PHIP: variants seen among roughly 807,000 people sequenced by gnomAD.
The protein encoded by PHIP is PHIP subunit of CUL4-Ring ligase complex.
A neutral mutation model predicts 236.8 loss-of-function variants in PHIP; 54 were observed. The ratio of observed to expected loss-of-function variants is 0.23; its 90% CI spans 0.18 to 0.29. The LOEUF (loss-of-function observed/expected upper bound fraction) is 0.29, where lower values mean the gene tolerates loss of function less well. PHIP is among the 10% of genes least tolerant of loss of function. PHIP has a pLI of 1.00. For missense variants in PHIP, 1,370 were observed against 2,190.8 expected, an observed-to-expected ratio of 0.63 and a Z score of 7.48; for synonymous variants, 756 against 718.9, an observed-to-expected ratio of 1.05 and a Z score of -0.83.
chr6:78,972,176 G>A (rs1227429889), intron 24 of PHIP, among the ~76,000 whole-genome samples: 1 of 152,216 alleles, frequency 6.6e-6, no homozygotes, highest in East Asian at 1.9e-4. Flanking sequence ...CGCAGCTGGA[G>A]ATATGAGAAC....
intron 33 of PHIP, 97 bp downstream of exon 33, chr6:78,955,516 A>T: frequency 1.7e-6 from 1 of 572,402 alleles, no homozygotes; most frequent in East Asian, 3.1e-5. Context: ...CTAGACAAAA[A>T]ATAATGTTCA....
chr6:79,012,653 C>T (rs1384649050), intron 15 of PHIP, among the ~76,000 whole-genome samples: 1 of 151,662 alleles, frequency 6.6e-6, no homozygotes, highest in Non-Finnish European at 1.5e-5. Context: ...TATTGATTAG[C>T]TACAGAGAGC....
chr6:78,961,846 G>A (rs916080311), intron 30 of PHIP, 36 bp from the exon 31 acceptor site: 3 of 1,510,636 alleles, frequency 2.0e-6, no homozygotes, highest in Middle Eastern at 1.7e-4. Flanking sequence ...ATTTATTTTT[G>A]TATGCCTAAA....
At chr6:79,033,475 T>C (rs1771770906) in intron 7 of PHIP, among the ~76,000 whole-genome samples, 1 of 152,228 alleles carries the variant, frequency 6.6e-6, no homozygotes. Context: ...TTAGCACTTG[T>C]TGCTTCACGT....
At chr6:79,047,719 ACAGT>A (rs1455776871) in intron 6 of PHIP, among the ~76,000 whole-genome samples, 4 of 152,104 alleles carry the variant, frequency 2.6e-5, no homozygotes, top group Non-Finnish European at 5.9e-5. Flanking sequence ...CAAATTTTAC[ACAGT>A]CAATTATATT....
At chr6:79,073,216 C>T (rs2127781353) in intron 4 of PHIP, among the ~76,000 whole-genome samples, 1 of 152,258 alleles carries the variant, frequency 6.6e-6, no homozygotes, top group African/African-American at 2.4e-5. Flanking sequence ...ATGGTATAAG[C>T]ATCAATAGAA....
intron 17 of PHIP, 82 bp downstream of exon 17, chr6:79,001,817 A>G: frequency 1.2e-6 from 1 of 859,384 alleles, no homozygotes; most frequent in Non-Finnish European, 1.9e-6. Flanking sequence ...TAACAACTGC[A>G]AACAAAGTTT....
At chr6:78,997,300 C>A in intron 19 of PHIP, 114 bp downstream of exon 19, 2 of 810,424 alleles carry the variant, frequency 2.5e-6, no homozygotes, top group African/African-American at 3.4e-5. Flanking sequence ...TTATACTGCC[C>A]TTCCAGAAAA....
At chr6:79,060,456 C>T in intron 6 of PHIP, 22 bp downstream of exon 6, 1 of 1,544,488 alleles carries the variant, frequency 6.5e-7, no homozygotes, top group Non-Finnish European at 8.9e-7. Context: ...CTATTAACTA[C>T]TAGTGAACTC....
At chr6:79,052,726 CT>C (rs1562211255) in intron 6 of PHIP, among the ~76,000 whole-genome samples, 2 of 152,110 alleles carry the variant, frequency 1.3e-5, no homozygotes, top group Non-Finnish European at 2.9e-5. Context: ...AATTAAATAC[CT>C]GATCTCATAA....
intron 21 of PHIP, among the ~76,000 whole-genome samples, chr6:78,986,893 TATG>T (rs1768900044): frequency 6.6e-6 from 1 of 152,172 alleles, no homozygotes; most frequent in Non-Finnish European, 1.5e-5. Context: ...AAGCAAGTGA[TATG>T]ATTTTTCCCA....
chr6:79,015,903 C>A, intron 13 of PHIP, 120 bp from the exon 14 acceptor site: 1 of 639,260 alleles, frequency 1.6e-6, no homozygotes, highest in South Asian at 2.3e-5. Flanking sequence ...TTAACAGTAA[C>A]TGAGAAGTTT....
At chr6:78,995,327 A>T (rs1769538721) in intron 19 of PHIP, among the ~76,000 whole-genome samples, 2 of 152,188 alleles carry the variant, frequency 1.3e-5, no homozygotes, top group South Asian at 4.1e-4. Context: ...CTATACATTT[A>T]TGTTCAGGTT....
rs1182831943 is a variant in PHIP, at chr6:78,939,232, A to G, written c.*1461T>C. The G allele has an allele frequency of 6.6e-6, 1 of 151,794 alleles. No individual in the cohort carries two copies. Among genetic ancestry groups the G allele is most frequent in the Non-Finnish European group, 1.5e-5 (1 of 67,708 alleles). 9.4% of individuals were successfully genotyped at this position (151,794 alleles called of 1,614,324 possible). A position where few individuals can be genotyped will look rare whatever the true frequency, so the allele number is the denominator to read the frequency against. Reference sequence around the variant, plus strand: ...ATAGCAATACATTCTCCTAAGTCATATAGTTATCATTTACAATAGACAACT... The same window carrying G: ...ATAGCAATACATTCTCCTAAGTCATGTAGTTATCATTTACAATAGACAACT... On this transcript the variant is annotated 3_prime_UTR_variant, in exon 40 of 40. Transcript: ENST00000275034.
Position 79,015,235 on chromosome 6 carries a change from G to A in PHIP, c.1390-19C>T, listed in dbSNP as rs761061872. The A allele has an allele frequency of 1.3e-6, 2 of 1,582,070 alleles. No individual in the cohort carries two copies. The highest frequency in any genetic ancestry group is 2.2e-5 in the South Asian group (2 of 89,742). On this transcript the variant is annotated intron_variant, in intron 14 of 39. Coordinates refer to ENST00000275034, the MANE Select transcript of PHIP (RefSeq NM_017934.7). ...CATGACCCTGAAATATTTTTGAAGTGTCAAAGAATCATAGATATTAAAAAA... is the reference window on the plus strand; with the variant it reads ...CATGACCCTGAAATATTTTTGAAGTATCAAAGAATCATAGATATTAAAAAA...
intron 19 of PHIP, among the ~76,000 whole-genome samples, chr6:78,993,903 A>C (rs1006171355): frequency 6.6e-6 from 1 of 152,204 alleles, no homozygotes; most frequent in Non-Finnish European, 1.5e-5. Context: ...TTATTCTGCT[A>C]ACAGATCTGG....
Position 79,039,070 on chromosome 6 carries a change from A to G in PHIP, c.600+3773T>C, listed in dbSNP as rs372818367. Among the ~76,000 whole-genome samples, 6 of 152,232 alleles carry G rather than the reference A, an allele frequency of 3.9e-5. No homozygotes were observed. The South Asian group carries it at 8.3e-4, about 21-fold the overall frequency. On this transcript the variant is annotated intron_variant, in intron 7 of 39. Transcript: ENST00000275034. ...GATCACTGCCAGAAACTTTTTGCCAATTTCTCTGTATATAGAGTTAGTTTG... is the reference window on the plus strand; with the variant it reads ...GATCACTGCCAGAAACTTTTTGCCAGTTTCTCTGTATATAGAGTTAGTTTG...
chr6:79,072,085 C>A (rs1193319025), intron 4 of PHIP, among the ~76,000 whole-genome samples: 1 of 152,088 alleles, frequency 6.6e-6, no homozygotes, highest in African/African-American at 2.4e-5. Flanking sequence ...AACAGATTGA[C>A]AAAACAGAAG....
rs1335911818 is a variant in PHIP, at chr6:78,936,564, CTAAG to C, written c.*4125_*4128del. The C allele has an allele frequency of 1.3e-5, 2 of 151,836 alleles. No homozygotes were observed. Among genetic ancestry groups the C allele is most frequent in the Admixed American group, 6.6e-5 (1 of 15,246 alleles). The allele number at this position is 151,836 out of a possible 1,614,324, so 9.4% of individuals were successfully genotyped here. ...TGAATTGTAGAAACTCAGCCATGCACTAAGTATTTGGTCTGTGCCATAAGGTTAA... is the reference window on the plus strand; with the variant it reads ...TGAATTGTAGAAACTCAGCCATGCACTATTTGGTCTGTGCCATAAGGTTAA... On this transcript the variant is annotated 3_prime_UTR_variant, in exon 40 of 40. Coordinates refer to ENST00000275034, the MANE Select transcript of PHIP (RefSeq NM_017934.7).
Sources: allele counts gnomAD v4.1 joint callset (sites outside exome capture counted in the v4.1 genomes callset), GRCh38; gene constraint gnomAD v4.1.1; transcripts MANE v1.5; gene names NCBI Gene and HGNC (gene_info 2026-07-23, HGNC 2026-07-21).